The following DNAH5 variants were observed in gnomAD, a reference collection of about 807,000 sequenced individuals.
DNAH5 encodes axonemal beta dynein heavy chain 5.
DNAH5 carries 372 observed loss-of-function variants against 518.2 expected under a neutral mutation model. The ratio of observed to expected loss-of-function variants is 0.72; its 90% CI spans 0.66 to 0.78. The LOEUF (loss-of-function observed/expected upper bound fraction) is 0.78, where lower values mean the gene tolerates loss of function less well. Among genes scored for constraint, DNAH5 ranks in the 30% least tolerant of loss-of-function variants. The pLI is 0.00. For synonymous variants in DNAH5, 2,039 were observed against 2,025.9 expected (o/e 1.01, Z -0.17); for missense variants, 5,523 against 5,687.0 (o/e 0.97, Z 0.93).
At chr5:13,895,592 A>G (rs372913909) in intron 15 of DNAH5, among the ~76,000 whole-genome samples, 1 of 152,284 alleles carries the variant, frequency 6.6e-6, no homozygotes, top group East Asian at 1.9e-4. Flanking sequence ...TGCTAGGATT[A>G]TAGGCCAAAT....
intron 30 of DNAH5, among the ~76,000 whole-genome samples, chr5:13,855,618 C>G (rs1292236945): frequency 6.6e-6 from 1 of 152,142 alleles, no homozygotes; most frequent in Non-Finnish European, 1.5e-5. Flanking sequence ...ATATTCAGGA[C>G]TTGAACTCAG....
chr5:13,923,982 G>T (rs141055677), intron 3 of DNAH5, among the ~76,000 whole-genome samples: 234 of 152,132 alleles, frequency 1.5e-3, no homozygotes, highest in African/African-American at 5.3e-3. Context: ...GGAGGCGGAG[G>T]TTGCAGTGGG....
intron 19 of DNAH5, among the ~76,000 whole-genome samples, chr5:13,883,598 G>A (rs562729583): frequency 1.3e-5 from 2 of 152,282 alleles, no homozygotes; most frequent in Admixed American, 6.5e-5. Flanking sequence ...AGTGTAATTC[G>A]CCATTCATAC....
chr5:13,807,131 T>A (rs1011928076), intron 47 of DNAH5, among the ~76,000 whole-genome samples: 1 of 152,178 alleles, frequency 6.6e-6, no homozygotes. Context: ...AAGAAATAGA[T>A]GTGAAATGCA....
rs934965085 is a variant in DNAH5 at position 13,808,925 on chromosome 5, A to T, written c.7752+119T>A. On this transcript the variant is annotated intron_variant, in intron 46 of 78. Coordinates refer to ENST00000265104, the MANE Select transcript of DNAH5 (RefSeq NM_001369.3). ...CAGTGAGCCGAGATCGCGCCACTGC[A>T]CTCCAGCCTGGGCGACAGAGTGAGA... 1.9e-5 allele frequency: 24 copies of T among 1,261,432 alleles called. No individual in the cohort carries two copies. In the African/African-American group the frequency reaches 3.0e-4, roughly 16 times the overall value. The allele number at this position is 1,261,432 out of a possible 1,614,324, so 78.1% of individuals were successfully genotyped here. A position where few individuals can be genotyped will look rare whatever the true frequency, so the allele number is the denominator to read the frequency against.
intron 1 of DNAH5, among the ~76,000 whole-genome samples, chr5:13,994,630 A>C (rs1783802664): frequency 6.6e-6 from 1 of 152,210 alleles, no homozygotes; most frequent in South Asian, 2.1e-4. Context: ...ATTGCTAGAA[A>C]GGAGTCACAC....
At chr5:13,743,426 T>C (rs1748884725) in intron 65 of DNAH5, among the ~76,000 whole-genome samples, 1 of 151,988 alleles carries the variant, frequency 6.6e-6, no homozygotes, top group Non-Finnish European at 1.5e-5. Flanking sequence ...GAAAAGATTC[T>C]ATGAATAACA....
intron 55 of DNAH5, among the ~76,000 whole-genome samples, chr5:13,772,612 T>C (rs550743792): frequency 6.6e-6 from 1 of 152,334 alleles, no homozygotes; most frequent in African/African-American, 2.4e-5. Context: ...ATAAAGCATA[T>C]TTTTCTTTAA....
chr5:13,833,327 T>TA (rs1262750624), intron 35 of DNAH5, among the ~76,000 whole-genome samples: 10 of 151,388 alleles, frequency 6.6e-5, no homozygotes, highest in Admixed American at 6.6e-4. Context: ...TAATCCAAGC[T>TA]ACTCAGGAGG....
intron 1 of DNAH5, among the ~76,000 whole-genome samples, chr5:13,943,626 G>C (rs1779662105): frequency 6.6e-6 from 1 of 152,196 alleles, no homozygotes; most frequent in Non-Finnish European, 1.5e-5. Flanking sequence ...GGCAAGTGAG[G>C]GGTGGCAGAT....
At chr5:13,985,565 C>A (rs1782997379) in intron 1 of DNAH5, among the ~76,000 whole-genome samples, 2 of 151,562 alleles carry the variant, frequency 1.3e-5, no homozygotes, top group South Asian at 2.1e-4. Context: ...GAGATCCATG[C>A]CTGAATTCTA....
chr5:13,733,710 C>T (rs1579960946), intron 68 of DNAH5, among the ~76,000 whole-genome samples: 2 of 151,802 alleles, frequency 1.3e-5, no homozygotes, highest in Non-Finnish European at 2.9e-5. Context: ...TATATATATA[C>T]ACACACACAT....
chr5:14,010,122 T>G (rs10073221), intron 1 of DNAH5, among the ~76,000 whole-genome samples: 54,460 of 152,000 alleles, frequency 0.36, 10,363 homozygotes, highest in East Asian at 0.81. Context: ...TTCAATGATT[T>G]ACTTTTTTCA....
At chr5:13,918,408 C>A (rs551778108) in intron 7 of DNAH5, among the ~76,000 whole-genome samples, 60 of 152,160 alleles carry the variant, frequency 3.9e-4, no homozygotes, top group Non-Finnish European at 7.5e-4. Context: ...TCAGAGGCAC[C>A]CAGCTAAGCT....
At chr5:13,852,541 G>C (rs1767030676) in intron 30 of DNAH5, among the ~76,000 whole-genome samples, 4 of 152,144 alleles carry the variant, frequency 2.6e-5, no homozygotes, top group Admixed American at 2.6e-4. Context: ...CCCTGGAAAG[G>C]GGGCTGAAGC....
chr5:13,829,911 G>T, intron 37 of DNAH5, 115 bp downstream of exon 37: 1 of 472,820 alleles, frequency 2.1e-6, no homozygotes, highest in Non-Finnish European at 3.0e-6. Flanking sequence ...TCAAAAGGAG[G>T]TAAAGTTACA....
intron 67 of DNAH5, among the ~76,000 whole-genome samples, 187 bp from the exon 68 acceptor site, chr5:13,735,508 C>T (rs1020095498): frequency 6.6e-6 from 1 of 152,084 alleles, no homozygotes; most frequent in Non-Finnish European, 1.5e-5. Flanking sequence ...AACAGAATCC[C>T]GAATGTTGTC....
At chr5:13,759,733 A>G (rs1751518479) in intron 60 of DNAH5, among the ~76,000 whole-genome samples, 1 of 152,258 alleles carries the variant, frequency 6.6e-6, no homozygotes, top group African/African-American at 2.4e-5. Flanking sequence ...GTAAAAAAGT[A>G]GTTCATGCCT....
At chr5:13,771,276 C>A (rs1753305263) in intron 55 of DNAH5, 2 of 408,448 alleles carry the variant, frequency 4.9e-6, no homozygotes, top group South Asian at 2.4e-5. Context: ...CAGCAGCCAA[C>A]CTGTTTTATG....
Sources: gnomAD v4.1 joint callset for allele counts (sites outside exome capture counted in the v4.1 genomes callset) on GRCh38, gnomAD v4.1.1 for gene constraint, MANE v1.5 for transcripts, NCBI Gene and HGNC (gene_info 2026-07-23, HGNC 2026-07-21) for gene names.